ZNF536: variants seen among roughly 807,000 people sequenced by gnomAD.
ZNF536 encodes zinc finger protein 536.
In ZNF536, 13 loss-of-function variants were observed where a neutral mutation model predicts 84.5. That is an observed-to-expected ratio of 0.15 (90% CI 0.10 to 0.24). The LOEUF is 0.24. Among genes scored for constraint, ZNF536 ranks in the 10% least tolerant of loss-of-function variants. The probability of loss-of-function intolerance (pLI) is 1.00; values close to 1 mark genes in which losing one functional copy is unlikely to be tolerated. For synonymous variants in ZNF536, 811 were observed against 742.5 expected, an observed-to-expected ratio of 1.09 and a Z score of -1.50; for missense variants, 1,536 against 1,747.5, an observed-to-expected ratio of 0.88 and a Z score of 2.16.
At chr19:30,497,062 C>T (rs1047090076) in intron 2 of ZNF536, among the ~76,000 whole-genome samples, 2 of 152,152 alleles carry the variant, frequency 1.3e-5, no homozygotes, top group African/African-American at 4.8e-5. Context: ...GTGCTCCTCC[C>T]CCTCTACTTT....
rs554987131 is a variant in ZNF536 at position 30,327,004 on chromosome 19, G to A, written c.-119-25364G>A. On this transcript the variant is annotated intron_variant, in intron 2 of 5. Transcript: ENST00000585628. ...CACCTATAGTCCCAGCTACTCAGGCGCGGTCTTATTGATTTGGGTGTTGTT... is the reference window on the plus strand; with the variant it reads ...CACCTATAGTCCCAGCTACTCAGGCACGGTCTTATTGATTTGGGTGTTGTT... Among the ~76,000 whole-genome samples the A allele has an allele frequency of 1.3e-4, 19 of 151,538 alleles. 1 individual carries two copies. Among genetic ancestry groups the A allele is most frequent in the Admixed American group, 5.3e-4 (8 of 15,224 alleles).
rs995483076 is a variant in ZNF536, at chr19:30,596,451, G to A, written c.169+46937G>A. Among the ~76,000 whole-genome samples, 5 of 152,260 alleles carry A rather than the reference G, an allele frequency of 3.3e-5. No individual in the cohort carries two copies. The East Asian group carries it at 5.8e-4, about 18-fold the overall frequency. Reference sequence around the variant, plus strand: ...CAGCCTTGAGCACAGTGACAATCGCGGCACAGCCATTGGGGCAGGTGTCTC... The same window carrying A: ...CAGCCTTGAGCACAGTGACAATCGCAGCACAGCCATTGGGGCAGGTGTCTC... On this transcript the variant is annotated intron_variant, in intron 1 of 1. Transcript: ENST00000592773.
chr19:30,602,496 C>A (rs773699308), intron 1 of ZNF536, among the ~76,000 whole-genome samples: 1 of 151,640 alleles, frequency 6.6e-6, no homozygotes, highest in Non-Finnish European at 1.5e-5. Context: ...CCAATGGATA[C>A]CCAAAAGTCA....
intron 2 of ZNF536, among the ~76,000 whole-genome samples, chr19:30,297,865 A>G (rs1456555340): frequency 1.4e-5 from 2 of 147,900 alleles, no homozygotes; most frequent in Non-Finnish European, 3.0e-5. Context: ...TTTTCCCCAC[A>G]AACTTCATGC....
chr19:30,294,227 G>A (rs148373422), intron 2 of ZNF536, among the ~76,000 whole-genome samples: 1 of 152,182 alleles, frequency 6.6e-6, no homozygotes, highest in Non-Finnish European at 1.5e-5. Context: ...AGCTGGGGAG[G>A]TAGAGGCACG....
intron 1 of ZNF536, among the ~76,000 whole-genome samples, chr19:30,419,540 G>A (rs905307263): frequency 1.3e-5 from 2 of 152,136 alleles, no homozygotes; most frequent in African/African-American, 4.8e-5. Context: ...ATATGCGTGT[G>A]TATATTCACG....
intron 1 of ZNF536, among the ~76,000 whole-genome samples, chr19:30,423,988 G>A (rs556521021): frequency 6.6e-6 from 1 of 152,260 alleles, no homozygotes; most frequent in African/African-American, 2.4e-5. Context: ...TCTGGGCAGT[G>A]CCCTCTGCAC....
intron 1 of ZNF536, among the ~76,000 whole-genome samples, chr19:30,383,754 TTTCTCTTTC>T (rs1568376887): frequency 0.14 from 1,456 of 10,550 alleles, 95 homozygotes; most frequent in Admixed American, 0.27. Context: ...TCTTTCTTTC[TTTCTCTTTC>T]TTTCTTTCTT....
At chr19:30,413,336 T>C (rs1221227864) in intron 1 of ZNF536, among the ~76,000 whole-genome samples, 1 of 152,212 alleles carries the variant, frequency 6.6e-6, no homozygotes. Context: ...TTCTTTTCAC[T>C]TTCTATTCAT....
rs750940266 is a variant in ZNF536 at position 30,443,931 on chromosome 19, C to G, written c.369C>G (p.Asp123Glu). The G allele has an allele frequency of 2.5e-6, 4 of 1,613,680 alleles. 1 individual carries two copies. The South Asian group carries it at 4.4e-5, about 18-fold the overall frequency. ...IMSQMSDIEDDARKNRKYPCP... is the reference protein window; with the variant it reads ...IMSQMSDIEDEARKNRKYPCP... ...CCCAGATGAGCGACATCGAGGACGA[C>G]GCCCGCAAGAACCGCAAGTACCCGT... The change falls in exon 2 of 5, where the codon GAC becomes GAG. Residue 123 changes from aspartate (D) to glutamate (E), a missense_variant. Physicochemically the swap from Asp to Glu is conservative, Grantham distance 45. This residue lies in a region of ZNF536 where 161 missense variants were observed against 178.5 expected (regional missense o/e 0.90). Transcript: ENST00000355537.
chr19:30,274,533 A>G (rs936313195), intron 1 of ZNF536, among the ~76,000 whole-genome samples: 9 of 152,264 alleles, frequency 5.9e-5, no homozygotes, highest in African/African-American at 1.9e-4. Context: ...TCAAGTGCTC[A>G]GTTGCCACGT....
At chr19:30,658,035 T>A (rs1001856620) in intron 1 of ZNF536, among the ~76,000 whole-genome samples, 8 of 150,484 alleles carry the variant, frequency 5.3e-5, no homozygotes, top group African/African-American at 1.9e-4. Flanking sequence ...CCCCTTTTTT[T>A]TCCTTCAGAT....
chr19:30,616,029 A>C (rs540334485), intron 1 of ZNF536, among the ~76,000 whole-genome samples: 1 of 152,294 alleles, frequency 6.6e-6, no homozygotes, highest in East Asian at 1.9e-4. Context: ...TATTCATTTT[A>C]TAACCAGCCA....
chr19:30,520,974 C>T (rs2044297635), intron 2 of ZNF536, among the ~76,000 whole-genome samples: 1 of 152,246 alleles, frequency 6.6e-6, no homozygotes, highest in Non-Finnish European at 1.5e-5. Context: ...CTTCCCCACT[C>T]TGCCACGCAG....
intron 2 of ZNF536, among the ~76,000 whole-genome samples, chr19:30,349,684 G>C (rs150626994): frequency 6.6e-6 from 1 of 151,840 alleles, no homozygotes; most frequent in African/African-American, 2.4e-5. Context: ...CTCAGCCCTC[G>C]ACCCTGCCCT....
chr19:30,545,874 C>T (rs1180668623), intron 3 of ZNF536, among the ~76,000 whole-genome samples: 2 of 152,212 alleles, frequency 1.3e-5, no homozygotes, highest in South Asian at 2.1e-4. Context: ...GGCCCCTTTG[C>T]CTGCCAGATG....
Position 30,700,234 on chromosome 19 carries a change from TTCTTTC to T in ZNF536, c.170-10519_170-10514del, listed in dbSNP as rs1363174204. 9.9e-3 allele frequency among the ~76,000 whole-genome samples: 1,290 copies of T among 130,708 alleles called. 16 individuals carry two copies. Among genetic ancestry groups the T allele is most frequent in the African/African-American group, 0.035 (1,205 of 34,842 alleles). 85.7% of individuals were successfully genotyped at this position (130,708 alleles called of 152,430 possible). On this transcript the variant is annotated intron_variant, in intron 1 of 1. Coordinates refer to the ZNF536 transcript ENST00000592773. ...TTTCCTTCTTTCTTTCTTTCTTTCT[TTCTTTC>T]TCTCTCTCTCTCTCTTTCTTTCTTT...
chr19:30,407,297 A>G (rs1160789979), intron 1 of ZNF536, among the ~76,000 whole-genome samples: 4 of 152,172 alleles, frequency 2.6e-5, no homozygotes, highest in Non-Finnish European at 2.9e-5. Context: ...TGATTTCAAA[A>G]TCAGCTTGCT....
intron 3 of ZNF536, among the ~76,000 whole-genome samples, chr19:30,366,378 A>ATCTATCTG (rs1210861204): frequency 2.0e-5 from 3 of 151,084 alleles, no homozygotes; most frequent in Non-Finnish European, 4.4e-5. Context: ...CTATCTATCT[A>ATCTATCTG]TCTATCTATC....
Sources: gnomAD v4.1 joint callset for allele counts (sites outside exome capture counted in the v4.1 genomes callset) on GRCh38, gnomAD v4.1.1 for gene constraint, gnomAD v4.1.1 regional missense constraint, MANE v1.5 for transcripts, NCBI Gene and HGNC (gene_info 2026-07-23, HGNC 2026-07-21) for gene names.